SPATA13: variants seen among roughly 807,000 people sequenced by gnomAD.
The protein encoded by SPATA13 is spermatogenesis-associated protein 13.
SPATA13 carries 50 observed loss-of-function variants against 104.0 expected under a neutral mutation model. That is an observed-to-expected ratio of 0.48 (90% CI 0.38 to 0.61). The LOEUF is 0.61. Among genes scored for constraint, SPATA13 ranks in the 20% least tolerant of loss-of-function variants. The probability of loss-of-function intolerance (pLI) is 0.00; values close to 1 mark genes in which losing one functional copy is unlikely to be tolerated. For missense variants in SPATA13, 1,524 were observed against 1,690.6 expected (o/e 0.90, Z 1.73); for synonymous variants, 606 against 667.5 (o/e 0.91, Z 1.42).
intron 3 of SPATA13, among the ~76,000 whole-genome samples, chr13:24,104,239 GT>G (rs113835456): frequency 0.11 from 15,154 of 144,306 alleles, 969 homozygotes; most frequent in African/African-American, 0.18. Context: ...GCTAGAATGG[GT>G]TTTTTTTTTT....
At chr13:24,222,682 G>A in intron 1 of SPATA13, 137 bp from the exon 2 acceptor site, 2 of 674,948 alleles carry the variant, frequency 3.0e-6, no homozygotes, top group Admixed American at 6.2e-5. Flanking sequence ...TGAATGGAGG[G>A]GAAATGTACA....
At chr13:23,979,944 A>G (rs1874796975) in intron 1 of SPATA13, 2 of 152,216 alleles carry the variant, frequency 1.3e-5, no homozygotes, top group African/African-American at 2.4e-5. Flanking sequence ...ATTTCTCTAC[A>G]TATTGTCACC....
intron 1 of SPATA13, among the ~76,000 whole-genome samples, chr13:24,172,213 T>C (rs1375225965): frequency 6.6e-6 from 1 of 152,338 alleles, no homozygotes; most frequent in African/African-American, 2.4e-5. Context: ...AATCGGAATG[T>C]TTGGGATTGG....
intron 1 of SPATA13, among the ~76,000 whole-genome samples, chr13:24,190,123 A>ATC (rs1262480544): frequency 1.0e-3 from 2 of 1,928 alleles, no homozygotes; most frequent in African/African-American, 1.1e-3. Context: ...TATATAACAT[A>ATC]ATAATATACA....
chr13:24,038,029 A>G (rs1054528514), intron 3 of SPATA13, among the ~76,000 whole-genome samples: 7 of 151,658 alleles, frequency 4.6e-5, no homozygotes, highest in African/African-American at 1.7e-4. Flanking sequence ...CTCCTGCCTC[A>G]GCCTCCCGAG....
intron 3 of SPATA13, among the ~76,000 whole-genome samples, chr13:24,048,719 G>A (rs1878234725): frequency 6.6e-6 from 1 of 152,046 alleles, no homozygotes; most frequent in Non-Finnish European, 1.5e-5. Context: ...GACCCAAGCT[G>A]AACCGTTTAA....
chr13:24,115,350 G>A lies in SPATA13; in HGVS notation c.-112+97649G>A, dbSNP rs532120479. ...GGTCCCCAGCCCACAGACTGGCACT[G>A]GTCCATGGCTTGTTAGGAACCTGAC... On this transcript the variant is annotated intron_variant, in intron 3 of 14. Transcript: ENST00000424834. 2.0e-5 allele frequency among the ~76,000 whole-genome samples: 3 copies of A among 152,344 alleles called. No individual in the cohort carries two copies. The South Asian group carries it at 6.2e-4, about 32-fold the overall frequency.
intron 1 of SPATA13, among the ~76,000 whole-genome samples, chr13:24,196,301 G>A (rs1442378317): frequency 6.6e-6 from 1 of 152,058 alleles, no homozygotes; most frequent in Non-Finnish European, 1.5e-5. Flanking sequence ...ACATTACCTG[G>A]AAGTATCACA....
intron 1 of SPATA13, among the ~76,000 whole-genome samples, chr13:24,168,217 C>T (rs1241359567): frequency 6.6e-6 from 1 of 152,048 alleles, no homozygotes; most frequent in African/African-American, 2.4e-5. Context: ...AGTAAGTGAC[C>T]CATAGCCGGT....
At chr13:24,077,687 G>A (rs1879380965) in intron 3 of SPATA13, among the ~76,000 whole-genome samples, 1 of 152,278 alleles carries the variant, frequency 6.6e-6, no homozygotes, top group East Asian at 1.9e-4. Flanking sequence ...TCAGGTCACA[G>A]TGTATTATAG....
intron 3 of SPATA13, chr13:24,123,889 C>G (rs1006040417): frequency 4.1e-5 from 27 of 653,588 alleles, no homozygotes; most frequent in Non-Finnish European, 7.1e-5. Context: ...AACTCCTCCA[C>G]CCAGAGATCA....
chr13:24,109,274 C>A (rs1391016231), intron 3 of SPATA13, among the ~76,000 whole-genome samples: 6 of 152,168 alleles, frequency 3.9e-5, no homozygotes, highest in African/African-American at 7.2e-5. Context: ...CATGTCCCTG[C>A]AAAGGACATG....
chr13:24,264,477 A>G (rs1181649978), intron 4 of SPATA13, among the ~76,000 whole-genome samples: 1 of 152,226 alleles, frequency 6.6e-6, no homozygotes, highest in Non-Finnish European at 1.5e-5. Context: ...TGGAGCTAGC[A>G]TTCAAATGAG....
At chr13:24,177,187 G>A (rs891671906) in intron 1 of SPATA13, among the ~76,000 whole-genome samples, 1 of 152,132 alleles carries the variant, frequency 6.6e-6, no homozygotes, top group Non-Finnish European at 1.5e-5. Context: ...GGACACAAAC[G>A]TTGCTTTACT....
chr13:24,054,358 A>C (rs972581329), intron 3 of SPATA13, among the ~76,000 whole-genome samples: 1 of 152,240 alleles, frequency 6.6e-6, no homozygotes, highest in South Asian at 2.1e-4. Context: ...GCTCTGTCCA[A>C]GTATCCAAGT....
chr13:24,187,626 T>C (rs1174891210), intron 1 of SPATA13, among the ~76,000 whole-genome samples: 1 of 152,204 alleles, frequency 6.6e-6, no homozygotes, highest in Admixed American at 6.5e-5. Context: ...ATTTCAAGCA[T>C]TTAAATTATT....
At chr13:24,050,608 C>T (rs942958578) in intron 3 of SPATA13, among the ~76,000 whole-genome samples, 30 of 152,264 alleles carry the variant, frequency 2.0e-4, no homozygotes, top group Middle Eastern at 3.4e-3. Flanking sequence ...CAGGTCTCAG[C>T]CCTGGACAAG....
chr13:24,144,111 G>C (rs1480633592), intron 3 of SPATA13, among the ~76,000 whole-genome samples: 2 of 152,118 alleles, frequency 1.3e-5, no homozygotes, highest in Non-Finnish European at 2.9e-5. Flanking sequence ...GCCCCAGTGG[G>C]ATCTGCAAGG....
At chr13:24,069,352 T>C (rs1244377278) in intron 3 of SPATA13, among the ~76,000 whole-genome samples, 10 of 152,222 alleles carry the variant, frequency 6.6e-5, no homozygotes, top group African/African-American at 2.2e-4. Context: ...TGGTTAGCTG[T>C]ATTTCTAGGT....
Sources: allele counts gnomAD v4.1 joint callset (sites outside exome capture counted in the v4.1 genomes callset), GRCh38; gene constraint gnomAD v4.1.1; transcripts MANE v1.5; gene names NCBI Gene and HGNC (gene_info 2026-07-23, HGNC 2026-07-21).